The following RANBP2 variants were observed in gnomAD, a reference collection of about 807,000 sequenced individuals.
The protein encoded by RANBP2 is E3 SUMO-protein ligase RanBP2.
A neutral mutation model predicts 303.6 loss-of-function variants in RANBP2; 57 were observed. That is an observed-to-expected ratio of 0.19 (90% confidence interval 0.15 to 0.23). The LOEUF (loss-of-function observed/expected upper bound fraction) is 0.23, where lower values mean the gene tolerates loss of function less well. RANBP2 is among the 10% of genes least tolerant of loss of function. The pLI is 1.00. For missense variants in RANBP2, 3,138 were observed against 3,780.8 expected (o/e 0.83, Z 4.46); for synonymous variants, 1,167 against 1,301.5 (o/e 0.90, Z 2.23).
the RANBP2 span, chr2:108,896,895 C>G: frequency 4.4e-6 from 7 of 1,607,642 alleles, no homozygotes; most frequent in South Asian, 6.7e-5. Context: ...GGACAGCCCA[C>G]AGGCATGCTT....
At chr2:108,905,248 G>GGT in the RANBP2 span, among the ~76,000 whole-genome samples, 5 of 152,058 alleles carry the variant, frequency 3.3e-5, no homozygotes, top group Admixed American at 1.3e-4. Context: ...CTGTCCCAGG[G>GGT]GTGTGAACTC....
chr2:108,902,005 C>T, the RANBP2 span, among the ~76,000 whole-genome samples: 5 of 151,694 alleles, frequency 3.3e-5, no homozygotes, highest in Admixed American at 3.3e-4. Context: ...TTTGGGAGGC[C>T]AAAGCAGGTG....
In RANBP2 at chr2:108,766,383, A is replaced by C. The variant is rs1677123119; in HGVS notation, c.5844A>C (p.Ala1948=). Residue 1948 remains alanine, a synonymous_variant, in exon 20 of 29, where the codon GCA becomes GCC. Transcript: ENST00000283195. ...FGQTSSTFTF[A]DLAKSTSGEG... ...AAACAAGTAGCACTTTTACATTTGC[A>C]GATCTTGCAAAATCAACTTCAGGAG... The C allele has an allele frequency of 6.2e-7, 1 of 1,611,888 alleles. No individual in the cohort carries two copies. Among genetic ancestry groups the C allele is most frequent in the South Asian group, 1.1e-5 (1 of 90,996 alleles).
chr2:109,362,057 G>A, the RANBP2 span, among the ~76,000 whole-genome samples: 8 of 151,374 alleles, frequency 5.3e-5, no homozygotes, highest in Admixed American at 3.3e-4. Flanking sequence ...TTTCTCTATT[G>A]TTTTCAATTT....
the RANBP2 span, among the ~76,000 whole-genome samples, chr2:109,434,784 A>G: frequency 6.6e-6 from 1 of 152,222 alleles, no homozygotes; most frequent in African/African-American, 2.4e-5. Flanking sequence ...CGCAATAGCC[A>G]TCTCCAGCCT....
At chr2:109,424,190 G>A in the RANBP2 span, among the ~76,000 whole-genome samples, 1 of 152,208 alleles carries the variant, frequency 6.6e-6, no homozygotes, top group East Asian at 1.9e-4. Flanking sequence ...TGATCCTCGG[G>A]GCTCTGGAGC....
At position 108,775,801 on chromosome 2, in the gene RANBP2, C is replaced by T. The variant is rs1292573706; in HGVS notation, c.8362C>T (p.Pro2788Ser). 4 of 1,613,822 alleles carry T rather than the reference C, an allele frequency of 2.5e-6. No homozygotes were observed. The South Asian group carries it at 4.4e-5, about 18-fold the overall frequency. The change falls in exon 24 of 29, where the codon CCT (proline) becomes TCT (serine). Residue 2788 changes from proline to serine, a missense_variant. Pro to Ser is a moderately conservative substitution (Grantham distance 74). Around this residue, in one of 20 missense-constraint regions of RANBP2, gnomAD observed 497 missense variants for 465.8 expected, o/e 1.07. Transcript: ENST00000283195. ...VYTGGTEVMV[P>S]SFCKSEEPDS... is the part of the protein sequence containing the mutation. ...TACAGGTGGGACTGAAGTGATGGTA[C>T]CTTCTTTCTGTAAATCTGAAGAACC...
At chr2:109,547,756 A>G in the RANBP2 span, among the ~76,000 whole-genome samples, 113 of 152,340 alleles carry the variant, frequency 7.4e-4, no homozygotes, top group African/African-American at 2.6e-3. Flanking sequence ...GGGATATACC[A>G]AAAGAAAACA....
At chr2:109,444,836 CAA>C in the RANBP2 span, among the ~76,000 whole-genome samples, 1 of 152,044 alleles carries the variant, frequency 6.6e-6, no homozygotes, top group Admixed American at 6.6e-5. Context: ...CCAATAAACT[CAA>C]GAGATAGGAG....
chr2:109,312,089 G>T, the RANBP2 span, among the ~76,000 whole-genome samples: 3 of 152,112 alleles, frequency 2.0e-5, no homozygotes, highest in African/African-American at 7.2e-5. Context: ...GTGTTTTTAT[G>T]GTTTCCTTTA....
the RANBP2 span, among the ~76,000 whole-genome samples, chr2:109,343,370 T>A: frequency 4.6e-5 from 7 of 152,230 alleles, no homozygotes; most frequent in East Asian, 1.3e-3. Flanking sequence ...TGACTCTTTT[T>A]TTTTTCTTTC....
the RANBP2 span, chr2:109,617,558 G>A: frequency 1.8e-5 from 3 of 166,960 alleles, no homozygotes; most frequent in South Asian, 2.1e-4. Flanking sequence ...TTTGGGTCGC[G>A]TAGTTGCTGA....
chr2:108,934,470 C>T, the RANBP2 span, among the ~76,000 whole-genome samples: 4 of 152,202 alleles, frequency 2.6e-5, no homozygotes, highest in African/African-American at 9.6e-5. Flanking sequence ...GCACACTGAG[C>T]TCCCATATTT....
At chr2:109,198,303 A>G in the RANBP2 span, among the ~76,000 whole-genome samples, 1 of 152,198 alleles carries the variant, frequency 6.6e-6, no homozygotes, top group Non-Finnish European at 1.5e-5. Flanking sequence ...ACAGGAATTT[A>G]TGACCCTGAG....
the RANBP2 span, among the ~76,000 whole-genome samples, chr2:109,204,921 C>G: frequency 6.6e-6 from 1 of 152,158 alleles, no homozygotes; most frequent in South Asian, 2.1e-4. Flanking sequence ...TAAAGTAGAG[C>G]AACTGGGTGG....
the RANBP2 span, among the ~76,000 whole-genome samples, chr2:108,841,044 G>A: frequency 1.3e-5 from 2 of 151,610 alleles, no homozygotes; most frequent in Non-Finnish European, 1.5e-5. Flanking sequence ...TTTTTAGTAG[G>A]GATGGGGTTT....
the RANBP2 span, among the ~76,000 whole-genome samples, chr2:109,211,095 C>T: frequency 6.6e-6 from 1 of 152,130 alleles, no homozygotes; most frequent in Non-Finnish European, 1.5e-5. Flanking sequence ...TTAATATGCC[C>T]ATTTATGTGT....
chr2:108,728,378 C>G (rs1694898591), intron 1 of RANBP2, among the ~76,000 whole-genome samples: 1 of 152,140 alleles, frequency 6.6e-6, no homozygotes, highest in African/African-American at 2.4e-5. Context: ...ACGGCAGTGT[C>G]AACCTCCTGG....
At chr2:108,882,730 C>T in the RANBP2 span, 1 of 152,256 alleles carries the variant, frequency 6.6e-6, no homozygotes, top group Non-Finnish European at 1.5e-5. Flanking sequence ...CAGGCCTCCT[C>T]TTTCTCTCAC....
Sources: allele counts gnomAD v4.1 joint callset (sites outside exome capture counted in the v4.1 genomes callset), GRCh38; gene constraint gnomAD v4.1.1; regional missense constraint gnomAD v4.1.1; transcripts MANE v1.5; gene names NCBI Gene and HGNC (gene_info 2026-07-23, HGNC 2026-07-21).